INPP5A: variants seen among roughly 807,000 people sequenced by gnomAD.
The protein encoded by INPP5A is inositol polyphosphate-5-phosphatase A.
Under a neutral mutation model 65.2 loss-of-function variants are expected in INPP5A, and 14 were observed. The observed-to-expected ratio is 0.21, with a 90% CI of 0.14 to 0.34. The LOEUF is 0.34. Ranked by LOEUF, INPP5A falls within the 10% of genes least tolerant of loss-of-function variation. INPP5A has a pLI of 1.00. For synonymous variants in INPP5A, 207 were observed against 208.3 expected (o/e 0.99, Z 0.05); for missense variants, 431 against 545.6 (o/e 0.79, Z 2.09).
chr10:132,558,498 C>T (rs1453706960), intron 1 of INPP5A, among the ~76,000 whole-genome samples: 1 of 152,226 alleles, frequency 6.6e-6, no homozygotes, highest in Non-Finnish European at 1.5e-5. Flanking sequence ...CCATCAGGCT[C>T]CCTCTGGGGG....
rs761016092 is a variant in INPP5A, at chr10:132,587,248, C to G, written c.76-20667C>G. On this transcript the variant is annotated intron_variant, in intron 1 of 15. Transcript: ENST00000368594. The surrounding 1 kb of genome is among the most constrained non-coding windows in gnomAD (Gnocchi z 4.3). ...AGATGGACCCAGGGCAGCTTGGGCC[C>G]GTTCCTCACCTGTTACCTGCTGGCA... is the stretch of plus-strand genomic sequence containing the variant. Among the ~76,000 whole-genome samples the G allele has an allele frequency of 6.6e-6, 1 of 152,232 alleles. No homozygotes were observed. The highest frequency in any genetic ancestry group is 1.5e-5 in the Non-Finnish European group (1 of 68,044).
chr10:132,679,398 CAGGAGGCTGGCCTTT>C (rs752576009), intron 4 of INPP5A, among the ~76,000 whole-genome samples: 9 of 152,130 alleles, frequency 5.9e-5, no homozygotes, highest in Non-Finnish European at 1.3e-4. Flanking sequence ...GCCGCCGGGC[CAGGAGGCTGGCCTTT>C]AGGAGGCTCC....
rs1214399408 is a variant in INPP5A, at chr10:132,547,312, G to A, written c.75+9141G>A. On this transcript the variant is annotated intron_variant, in intron 1 of 15. Coordinates refer to ENST00000368594, the MANE Select transcript of INPP5A (RefSeq NM_005539.5). This position sits in a 1 kb window ranked among gnomAD's most constrained non-coding sequence, Gnocchi z 5.5. ...CCTTTGGGCTGAGTGAGGCGTTACT[G>A]CCATCAGGGGTCCCTGGAGGGGCTC... Among the ~76,000 whole-genome samples, 1 of 152,202 alleles carries A rather than the reference G, an allele frequency of 6.6e-6. No individual in the cohort carries two copies.
At chr10:132,657,938 C>T (rs1022517669) in intron 4 of INPP5A, among the ~76,000 whole-genome samples, 3 of 152,216 alleles carry the variant, frequency 2.0e-5, no homozygotes, top group Non-Finnish European at 2.9e-5. Flanking sequence ...GTCTCCTCAG[C>T]GGGCAGGTAA....
chr10:132,538,089 C>T lies in INPP5A; in HGVS notation c.-8C>T, dbSNP rs1254833613. On this transcript the variant is annotated 5_prime_UTR_variant, in exon 1 of 16. Transcript: ENST00000368594. This position sits in a 1 kb window ranked among gnomAD's most constrained non-coding sequence, Gnocchi z 4.1. ...CGCCCAGCCCAGCGCCCGCGCCGCCCGGGCACCATGGCGGGGAAGGCGGCC... is the reference window on the plus strand; with the variant it reads ...CGCCCAGCCCAGCGCCCGCGCCGCCTGGGCACCATGGCGGGGAAGGCGGCC... The T allele has an allele frequency of 4.6e-5, 54 of 1,182,058 alleles. No homozygotes were observed. Among genetic ancestry groups the T allele is most frequent in the Non-Finnish European group, 5.3e-5 (51 of 955,210 alleles). The allele number at this position is 1,182,058 out of a possible 1,614,324, so 73.2% of individuals were successfully genotyped here.
At chr10:132,592,776 G>A (rs139203998) in intron 1 of INPP5A, among the ~76,000 whole-genome samples, 127 of 152,338 alleles carry the variant, frequency 8.3e-4, no homozygotes, top group African/African-American at 3.0e-3. Flanking sequence ...TGAGGCACAC[G>A]CAGGACTTTC....
chr10:132,729,256 G>A (rs1017595598), intron 9 of INPP5A, among the ~76,000 whole-genome samples: 11 of 152,304 alleles, frequency 7.2e-5, no homozygotes, highest in African/African-American at 2.4e-4. Context: ...CTCGGGAGCC[G>A]GCCTGAGTCT....
At chr10:132,673,729 C>T (rs1476860399) in intron 4 of INPP5A, among the ~76,000 whole-genome samples, 1 of 152,234 alleles carries the variant, frequency 6.6e-6, no homozygotes, top group Non-Finnish European at 1.5e-5. Context: ...GCATTGCATG[C>T]AGGATAGGCA....
At chr10:132,652,274 C>G (rs1454784426) in intron 4 of INPP5A, among the ~76,000 whole-genome samples, 2 of 152,138 alleles carry the variant, frequency 1.3e-5, no homozygotes, top group Non-Finnish European at 2.9e-5. Flanking sequence ...AAGACAGCCA[C>G]AAAATTAAAG....
At position 132,736,312 on chromosome 10, in the gene INPP5A, C is replaced by T. The variant is rs565743074; in HGVS notation, c.732+9407C>T. Among the ~76,000 whole-genome samples the T allele has an allele frequency of 2.6e-5, 4 of 152,366 alleles. 1 individual carries two copies. The highest frequency in any genetic ancestry group is 4.1e-4 in the South Asian group (2 of 4,830). On this transcript the variant is annotated intron_variant, in intron 9 of 15. Transcript: ENST00000368594. ...AGTGCCAGGCGCACCCGTCTCCACG[C>T]GGCCCGACCGCACACCACACCTGCC...
intron 4 of INPP5A, among the ~76,000 whole-genome samples, chr10:132,655,288 G>A (rs1172794631): frequency 2.6e-5 from 4 of 152,200 alleles, no homozygotes; most frequent in Admixed American, 2.6e-4. Flanking sequence ...CCACAGCACT[G>A]GAGACAGGGC....
intron 2 of INPP5A, among the ~76,000 whole-genome samples, chr10:132,628,020 C>T (rs551462851): frequency 4.6e-5 from 7 of 152,268 alleles, no homozygotes; most frequent in South Asian, 2.1e-4. Context: ...TACAGCACAG[C>T]GCTCTGATCA....
At chr10:132,710,556 C>T (rs976647442) in intron 8 of INPP5A, 100 bp downstream of exon 8, 390 of 1,480,506 alleles carry the variant, frequency 2.6e-4, no homozygotes, top group Non-Finnish European at 3.2e-4. Flanking sequence ...AGTAGGTATG[C>T]TGGGCAGGTC....
chr10:132,598,206 G>A (rs1942828746), intron 1 of INPP5A, among the ~76,000 whole-genome samples: 1 of 152,222 alleles, frequency 6.6e-6, no homozygotes, highest in East Asian at 1.9e-4. Flanking sequence ...GAGTGGCGCT[G>A]TGGCGATGGA....
chr10:132,577,434 C>A (rs575873598), intron 1 of INPP5A, among the ~76,000 whole-genome samples: 6 of 152,292 alleles, frequency 3.9e-5, no homozygotes, highest in Admixed American at 6.5e-5. Context: ...TTTGTTCACA[C>A]GTTTATCTCG....
intron 9 of INPP5A, among the ~76,000 whole-genome samples, chr10:132,733,200 C>A (rs558835628): frequency 5.1e-4 from 77 of 152,246 alleles, no homozygotes; most frequent in Admixed American, 7.8e-4. Flanking sequence ...ATGTCTCATC[C>A]CGAGATCTTA....
intron 13 of INPP5A, among the ~76,000 whole-genome samples, chr10:132,780,040 G>A (rs964956163): frequency 5.9e-5 from 9 of 152,268 alleles, no homozygotes; most frequent in East Asian, 1.9e-4. Context: ...CTTCACCCGC[G>A]AGAGGCGGGA....
chr10:132,677,483 C>T (rs908494181), intron 4 of INPP5A, among the ~76,000 whole-genome samples: 21 of 152,220 alleles, frequency 1.4e-4, no homozygotes, highest in African/African-American at 5.1e-4. Context: ...TTAGACCGGC[C>T]AATGACTTTG....
intron 2 of INPP5A, among the ~76,000 whole-genome samples, chr10:132,632,886 C>A (rs2072293322): frequency 6.6e-6 from 1 of 152,202 alleles, no homozygotes; most frequent in Admixed American, 6.5e-5. Context: ...CCTCTCCTAC[C>A]CCAGGTTCAG....
Sources: allele counts gnomAD v4.1 joint callset (sites outside exome capture counted in the v4.1 genomes callset), GRCh38; gene constraint gnomAD v4.1.1; non-coding constraint Gnocchi (gnomAD v3.1); transcripts MANE v1.5; gene names NCBI Gene and HGNC (gene_info 2026-07-23, HGNC 2026-07-21).